The following TBC1D9 variants were observed in gnomAD, a reference collection of about 807,000 sequenced individuals.
The protein encoded by TBC1D9 is TBC1 domain family member 9, also known as TBC1 domain family member 9A.
TBC1D9 carries 63 observed loss-of-function variants against 132.0 expected under a neutral mutation model. That is an observed-to-expected ratio of 0.48 (90% confidence interval 0.39 to 0.59). TBC1D9 has a LOEUF of 0.59. Ranked by LOEUF, TBC1D9 falls within the 20% of genes least tolerant of loss-of-function variation. The pLI is 0.00. For synonymous variants in TBC1D9, 610 were observed against 609.9 expected (o/e 1.00, Z 0.00); for missense variants, 1,261 against 1,592.7 (o/e 0.79, Z 3.54).
chr4:140,639,856 T>C (rs1327091827), intron 13 of TBC1D9, among the ~76,000 whole-genome samples: 2 of 152,220 alleles, frequency 1.3e-5, no homozygotes, highest in Admixed American at 1.3e-4. Flanking sequence ...CATTTGTCCA[T>C]CTGGCCCAGA....
At chr4:140,736,310 G>C (rs546312392) in intron 1 of TBC1D9, among the ~76,000 whole-genome samples, 2 of 152,232 alleles carry the variant, frequency 1.3e-5, no homozygotes, top group African/African-American at 4.8e-5. Context: ...GGAGGCCAAG[G>C]TGGGTGGATC....
intron 1 of TBC1D9, among the ~76,000 whole-genome samples, chr4:140,726,029 A>G (rs535052332): frequency 6.6e-6 from 1 of 152,302 alleles, no homozygotes; most frequent in East Asian, 1.9e-4. Flanking sequence ...GCACTTTGGG[A>G]AACCAAGGCA....
intron 6 of TBC1D9, among the ~76,000 whole-genome samples, chr4:140,673,236 C>G (rs888887126): frequency 2.6e-5 from 4 of 151,990 alleles, no homozygotes; most frequent in Non-Finnish European, 5.9e-5. Flanking sequence ...CAACATGATC[C>G]TGGATAAATG....
intron 1 of TBC1D9, among the ~76,000 whole-genome samples, chr4:140,747,905 A>C (rs1738861983): frequency 6.6e-6 from 1 of 152,240 alleles, no homozygotes. Flanking sequence ...ATCAGTACCA[A>C]AAATTAGTGA....
rs1737033541 is a variant in TBC1D9 at position 140,643,072 on chromosome 4, A to AC, written c.2338-3645dup. On this transcript the variant is annotated intron_variant, in intron 13 of 20. Transcript: ENST00000442267. ...TCCTCCTTCTTGCGCATCCAGCTGT[A>AC]CTTATTGTGGGCTTCAGCTCCCGTG... is the stretch of plus-strand genomic sequence containing the variant. 17 of 1,326,114 alleles carry AC rather than the reference A, an allele frequency of 1.3e-5. No individual in the cohort carries two copies. In the South Asian group the frequency reaches 2.2e-4, roughly 17 times the overall value. The allele number at this position is 1,326,114 out of a possible 1,614,324, so 82.1% of individuals were successfully genotyped here. A position where few individuals can be genotyped will look rare whatever the true frequency, so the allele number is the denominator to read the frequency against.
At chr4:140,678,537 C>A (rs188817707) in intron 5 of TBC1D9, among the ~76,000 whole-genome samples, 1 of 152,258 alleles carries the variant, frequency 6.6e-6, no homozygotes, top group East Asian at 1.9e-4. Context: ...CCTTGTGTTT[C>A]CCCCATCGTC....
In TBC1D9 at chr4:140,643,675, C is replaced by T. The variant is rs1452406121; in HGVS notation, c.2338-4247G>A. On this transcript the variant is annotated intron_variant, in intron 13 of 20. Transcript: ENST00000442267. Reference sequence around the variant, plus strand: ...TCCTCCTTGGCCTCCACTAGCGTCTCGGGTGTCAGCTGCACCCCCAGGTCC... The same window carrying T: ...TCCTCCTTGGCCTCCACTAGCGTCTTGGGTGTCAGCTGCACCCCCAGGTCC... 15 of 1,162,306 alleles carry T rather than the reference C, an allele frequency of 1.3e-5. 1 individual carries two copies. The highest frequency in any genetic ancestry group is 1.8e-5 in the Non-Finnish European group (15 of 842,056). The allele number at this position is 1,162,306 out of a possible 1,614,324, so 72.0% of individuals were successfully genotyped here.
At chr4:140,676,521 C>T (rs914509389) in intron 6 of TBC1D9, among the ~76,000 whole-genome samples, 2 of 152,142 alleles carry the variant, frequency 1.3e-5, no homozygotes, top group Non-Finnish European at 2.9e-5. Context: ...GGCATGGTGG[C>T]AGGCGCCTGT....
rs1737634597 is a variant in TBC1D9, at chr4:140,676,932, C to T, written c.1021G>A (p.Glu341Lys). 2.5e-6 allele frequency: 4 copies of T among 1,613,846 alleles called. No individual in the cohort carries two copies. The highest frequency in any genetic ancestry group is 3.4e-6 in the Non-Finnish European group (4 of 1,179,886). The change falls in exon 6 of 21, where the codon GAG becomes AAG. Residue 341 changes from glutamate to lysine, a missense_variant. Glu to Lys is a moderately conservative substitution (Grantham distance 56, BLOSUM62 1). This residue lies in a region of TBC1D9 where 550 missense variants were observed against 699.0 expected (regional missense o/e 0.79). Transcript: ENST00000442267. The stretch of plus-strand genomic sequence containing the variant: ...ATAATGAGGCTACATAAGTTCTCCT[C>T]CTTGCTGGTAAAACAGATGTAATTT... ...STNYICFTSK[E>K]ENLCSLIIPL...
intron 1 of TBC1D9, among the ~76,000 whole-genome samples, chr4:140,717,356 A>G (rs1259827847): frequency 1.3e-5 from 2 of 152,228 alleles, no homozygotes; most frequent in African/African-American, 4.8e-5. Flanking sequence ...TATAAAAACA[A>G]CAACATTTAA....
chr4:140,708,943 A>G (rs935562704), intron 1 of TBC1D9, among the ~76,000 whole-genome samples: 4 of 152,156 alleles, frequency 2.6e-5, no homozygotes, highest in African/African-American at 9.7e-5. Context: ...ATGGATAGAC[A>G]TGTAACCAAT....
intron 2 of TBC1D9, chr4:140,700,820 G>A (rs1238832487): frequency 6.7e-6 from 1 of 149,506 alleles, no homozygotes; most frequent in African/African-American, 2.5e-5. Context: ...ACTCCGTCTG[G>A]GAAAAAAAAA....
chr4:140,738,497 T>C (rs929476432), intron 1 of TBC1D9, among the ~76,000 whole-genome samples: 6 of 152,336 alleles, frequency 3.9e-5, no homozygotes, highest in Non-Finnish European at 7.3e-5. Context: ...CCTTTAAATA[T>C]TGAAATTCCC....
At chr4:140,666,374 C>T (rs149269901) in intron 9 of TBC1D9, among the ~76,000 whole-genome samples, 3,838 of 152,252 alleles carry the variant, frequency 0.025, 94 homozygotes, top group South Asian at 0.074. Context: ...CTTGCTCTTT[C>T]GCCCAGGCCG....
intron 2 of TBC1D9, among the ~76,000 whole-genome samples, chr4:140,687,589 G>C (rs1421079105): frequency 6.6e-6 from 1 of 151,488 alleles, no homozygotes; most frequent in African/African-American, 2.4e-5. Flanking sequence ...AAAGACAGGA[G>C]ACACAAATGT....
At chr4:140,651,450 A>G (rs1737186061) in intron 13 of TBC1D9, among the ~76,000 whole-genome samples, 1 of 152,224 alleles carries the variant, frequency 6.6e-6, no homozygotes, top group African/African-American at 2.4e-5. Flanking sequence ...GTGATAGGGC[A>G]AGACCTTGTC....
At chr4:140,749,325 T>C (rs182004447) in intron 1 of TBC1D9, among the ~76,000 whole-genome samples, 30 of 152,296 alleles carry the variant, frequency 2.0e-4, no homozygotes, top group Non-Finnish European at 3.1e-4. Context: ...ATAAAACTTC[T>C]AGCTAATAGA....
chr4:140,693,670 A>G (rs955886631), intron 2 of TBC1D9, among the ~76,000 whole-genome samples: 17 of 152,244 alleles, frequency 1.1e-4, no homozygotes, highest in African/African-American at 4.1e-4. Flanking sequence ...GTGATTCAGA[A>G]AATATTTCTA....
intron 1 of TBC1D9, among the ~76,000 whole-genome samples, chr4:140,727,631 G>A (rs1380464306): frequency 6.6e-6 from 1 of 152,112 alleles, no homozygotes; most frequent in Non-Finnish European, 1.5e-5. Flanking sequence ...CTATTGTTCT[G>A]ACTCAGAATG....
Sources: allele counts gnomAD v4.1 joint callset (sites outside exome capture counted in the v4.1 genomes callset), GRCh38; gene constraint gnomAD v4.1.1; regional missense constraint gnomAD v4.1.1; transcripts MANE v1.5; gene names NCBI Gene and HGNC (gene_info 2026-07-23, HGNC 2026-07-21).